Variants in POPDC3 observed in about 807,000 individuals in gnomAD.
POPDC3 encodes popeye domain-containing protein 3.
POPDC3 carries 20 observed loss-of-function variants against 28.2 expected under a neutral mutation model. The observed-to-expected ratio is 0.71, with a 90% confidence interval of 0.50 to 1.03. POPDC3 has a LOEUF of 1.03. POPDC3 is among the 50% of genes least tolerant of loss of function. The pLI is 0.00. For missense variants in POPDC3, 316 were observed against 345.9 expected (o/e 0.91, Z 0.69); for synonymous variants, 118 against 124.1 (o/e 0.95, Z 0.33).
rs534940867 is a variant in POPDC3 at position 105,158,107 on chromosome 6, C to G, written c.*363G>C. Reference sequence around the variant, plus strand: ...GCAACCCACCCTCAGGCTGAGAATACTTGCTGGCTCTTTCTTGAGAAGCAA... The same window carrying G: ...GCAACCCACCCTCAGGCTGAGAATAGTTGCTGGCTCTTTCTTGAGAAGCAA... On this transcript the variant is annotated 3_prime_UTR_variant, in exon 4 of 4. Transcript: ENST00000254765. Among the ~76,000 whole-genome samples, 3 of 152,172 alleles carry G rather than the reference C, an allele frequency of 2.0e-5. No homozygotes were observed. The highest frequency in any genetic ancestry group is 6.5e-5 in the Admixed American group (1 of 15,270).
At chr6:105,167,213 A>G (rs896304158) in intron 1 of POPDC3, among the ~76,000 whole-genome samples, 24 of 152,266 alleles carry the variant, frequency 1.6e-4, no homozygotes, top group African/African-American at 5.3e-4. Context: ...GGGGTTATAC[A>G]AGATCTTGAA....
In POPDC3 at chr6:105,158,352, C is replaced by T. The variant is rs1221826612; in HGVS notation, c.*118G>A. Reference sequence around the variant, plus strand: ...AATAAAACAGTTGGCAATGGCATCTCGCTTCTGAATTTGATTTATAAAAAC... The same window carrying T: ...AATAAAACAGTTGGCAATGGCATCTTGCTTCTGAATTTGATTTATAAAAAC... On this transcript the variant is annotated 3_prime_UTR_variant, in exon 4 of 4. Transcript: ENST00000254765. 13 of 824,628 alleles carry T rather than the reference C, an allele frequency of 1.6e-5. No individual in the cohort carries two copies. The highest frequency in any genetic ancestry group is 2.7e-5 in the East Asian group (1 of 37,400). 51.1% of individuals were successfully genotyped at this position (824,628 alleles called of 1,614,324 possible).
chr6:105,162,990 T>G (rs1211702815), intron 1 of POPDC3, among the ~76,000 whole-genome samples: 7 of 152,206 alleles, frequency 4.6e-5, no homozygotes, highest in Admixed American at 3.9e-4. Context: ...AGCAGAACTT[T>G]GGCGCTCATG....
At chr6:105,165,975 C>A (rs1774447222) in intron 1 of POPDC3, among the ~76,000 whole-genome samples, 1 of 152,126 alleles carries the variant, frequency 6.6e-6, no homozygotes, top group Non-Finnish European at 1.5e-5. Flanking sequence ...CATTTAACAA[C>A]CCCAGGAGGA....
intron 1 of POPDC3, among the ~76,000 whole-genome samples, chr6:105,168,489 G>A (rs1486655872): frequency 6.6e-6 from 1 of 152,164 alleles, no homozygotes; most frequent in Non-Finnish European, 1.5e-5. Context: ...CTGTTCTCAT[G>A]TTTCAGCTAA....
At position 105,161,480 on chromosome 6, in the gene POPDC3, AAC is replaced by A; in HGVS notation, c.428_429del (p.Cys143LeufsTer10). 1.9e-6 allele frequency: 3 copies of A among 1,614,202 alleles called. No homozygotes were observed. The highest frequency in any genetic ancestry group is 2.5e-6 in the Non-Finnish European group (3 of 1,180,016). ...SEVVTLEKEH[C>X]YAMQGKTSID... ...ATGGAAGTTTTCCCCTGCATGGCAT[AAC>A]AGTGTTCCTTTTCCAAAGTAACCAC... On this transcript the variant is annotated frameshift_variant, in exon 2 of 4. Coordinates refer to ENST00000254765, the MANE Select transcript of POPDC3 (RefSeq NM_022361.5). LOFTEE classifies it high-confidence loss of function.
At chr6:105,159,890 G>C (rs1774283190) in intron 2 of POPDC3, 71 bp from the exon 3 acceptor site, 9 of 980,926 alleles carry the variant, frequency 9.2e-6, no homozygotes, top group Admixed American at 1.9e-5. Flanking sequence ...GGGGTGGGGG[G>C]TAGAGGAAGT....
intron 1 of POPDC3, among the ~76,000 whole-genome samples, 197 bp downstream of exon 1, chr6:105,179,636 C>T (rs1744353750): frequency 1.3e-5 from 2 of 152,158 alleles, no homozygotes; most frequent in Admixed American, 6.5e-5. Context: ...AGACCCCGGA[C>T]CCCAGGGCGC....
intron 1 of POPDC3, chr6:105,163,561 C>T (rs1262157727): frequency 1.3e-5 from 2 of 152,040 alleles, no homozygotes; most frequent in African/African-American, 4.8e-5. Context: ...TCCAGCACAC[C>T]TGTTAATAAA....
At chr6:105,165,770 TTGAG>T (rs930138052) in intron 1 of POPDC3, among the ~76,000 whole-genome samples, 4 of 152,240 alleles carry the variant, frequency 2.6e-5, no homozygotes, top group African/African-American at 9.6e-5. Context: ...GTCAGTGGTA[TTGAG>T]TGAGTTTTGG....
At chr6:105,159,879 A>AG in intron 2 of POPDC3, 60 bp from the exon 3 acceptor site, 1 of 944,700 alleles carries the variant, frequency 1.1e-6, no homozygotes, top group East Asian at 2.7e-5. Flanking sequence ...ATAATTGGGG[A>AG]GGGGTGGGGG....
At chr6:105,171,634 G>A (rs1428823417) in intron 1 of POPDC3, among the ~76,000 whole-genome samples, 4 of 151,750 alleles carry the variant, frequency 2.6e-5, no homozygotes, top group Admixed American at 6.6e-5. Context: ...TCACGCCACT[G>A]CACTCCAGCC....
At chr6:105,175,253 T>C (rs1212397521) in intron 1 of POPDC3, among the ~76,000 whole-genome samples, 2 of 151,290 alleles carry the variant, frequency 1.3e-5, no homozygotes, top group Admixed American at 6.6e-5. Flanking sequence ...ATTTTTAAAA[T>C]TGGGGCTGGG....
At chr6:105,169,353 T>C (rs1029191208) in intron 1 of POPDC3, 5 of 152,168 alleles carry the variant, frequency 3.3e-5, no homozygotes, top group African/African-American at 1.2e-4. Flanking sequence ...TTCACTGTGG[T>C]TCCCAGTGTC....
chr6:105,179,166 G>A (rs1774734284), intron 1 of POPDC3: 1 of 985,194 alleles, frequency 1.0e-6, no homozygotes, highest in Non-Finnish European at 1.2e-6. Context: ...CACTGTAACC[G>A]ACATGGTGAT....
intron 1 of POPDC3, among the ~76,000 whole-genome samples, chr6:105,173,265 T>C (rs916019330): frequency 1.3e-5 from 2 of 152,210 alleles, no homozygotes; most frequent in African/African-American, 4.8e-5. Context: ...ACAAAATAAA[T>C]TCCAAACAGA....
chr6:105,162,214 G>A (rs777454823), intron 1 of POPDC3, 54 bp from the exon 2 acceptor site: 117 of 1,038,798 alleles, frequency 1.1e-4, no homozygotes, highest in Non-Finnish European at 1.3e-4. Context: ...GGAGAATTGT[G>A]GGGTATATTT....
intron 1 of POPDC3, among the ~76,000 whole-genome samples, chr6:105,165,897 T>C (rs1562154050): frequency 6.6e-6 from 1 of 152,190 alleles, no homozygotes; most frequent in Non-Finnish European, 1.5e-5. Context: ...TCTTAGTTTT[T>C]TTGACTTGTC....
Position 105,157,990 on chromosome 6 carries a change from G to A in POPDC3, c.*480C>T, listed in dbSNP as rs1190281. Among the ~76,000 whole-genome samples the A allele has an allele frequency of 0.92, 140,475 of 152,256 alleles. 64,944 individuals carry two copies. Among genetic ancestry groups the A allele is most frequent in the Non-Finnish European group, 0.95 (64,968 of 68,036 alleles). Reference sequence around the variant, plus strand: ...CTTGCATTTATTCTACTTTTTAGTCGCATCAAGTAACTGCACATTTAAAAT... The same window carrying A: ...CTTGCATTTATTCTACTTTTTAGTCACATCAAGTAACTGCACATTTAAAAT... On this transcript the variant is annotated 3_prime_UTR_variant, in exon 4 of 4. Coordinates refer to ENST00000254765, the MANE Select transcript of POPDC3 (RefSeq NM_022361.5).
Sources: gnomAD v4.1 joint callset for allele counts (sites outside exome capture counted in the v4.1 genomes callset) on GRCh38, gnomAD v4.1.1 for gene constraint, MANE v1.5 for transcripts, NCBI Gene and HGNC (gene_info 2026-07-23, HGNC 2026-07-21) for gene names.